Variants in ABCC3 observed in about 807,000 individuals in gnomAD.
ABCC3 encodes the protein ATP-binding cassette sub-family C member 3.
A neutral mutation model predicts 165.3 loss-of-function variants in ABCC3; 121 were observed. The observed-to-expected ratio is 0.73, with a 90% CI of 0.63 to 0.85. The LOEUF is 0.85. Ranked by LOEUF, ABCC3 falls within the 40% of genes least tolerant of loss-of-function variation. The probability of loss-of-function intolerance (pLI) is 0.00; values close to 1 mark genes in which losing one functional copy is unlikely to be tolerated. For synonymous variants in ABCC3, 733 were observed against 810.1 expected (o/e 0.90, Z 1.62); for missense variants, 1,869 against 1,964.1 (o/e 0.95, Z 0.92).
In ABCC3 at chr17:50,691,454, CTGAG is replaced by C; in HGVS notation, c.*257_*260del. The C allele has an allele frequency of 2.4e-6, 1 of 413,856 alleles. No individual in the cohort carries two copies. Among genetic ancestry groups the C allele is most frequent in the Non-Finnish European group, 4.5e-6 (1 of 222,238 alleles). The allele number at this position is 413,856 out of a possible 1,614,324, so 25.6% of individuals were successfully genotyped here. A position where few individuals can be genotyped will look rare whatever the true frequency, so the allele number is the denominator to read the frequency against. On this transcript the variant is annotated 3_prime_UTR_variant, in exon 31 of 31. Transcript: ENST00000285238. ...TAGTCCCCGGTCTCCCGATTCCCAA[CTGAG>C]TGTTATTTGCACACTGCACTGTTTT...
intron 19 of ABCC3, among the ~76,000 whole-genome samples, chr17:50,673,930 TTCTTTC>T (rs1567835443): frequency 6.4e-5 from 1 of 15,720 alleles, no homozygotes; most frequent in African/African-American, 3.1e-4. Flanking sequence ...CTTTCTTTCT[TTCTTTC>T]TTTCTTTCTT....
intron 1 of ABCC3, among the ~76,000 whole-genome samples, chr17:50,642,066 G>A (rs989973322): frequency 2.0e-5 from 3 of 152,148 alleles, no homozygotes; most frequent in African/African-American, 7.2e-5. Context: ...AGGTAGAATG[G>A]ACAGGGTTTG....
chr17:50,665,780 AT>A (rs564591034), intron 11 of ABCC3, among the ~76,000 whole-genome samples: 113 of 142,500 alleles, frequency 7.9e-4, no homozygotes, highest in East Asian at 4.7e-3. Context: ...TTATTTTTGT[AT>A]TTTTTTTTTT....
rs1968114708 is a variant in ABCC3, at chr17:50,691,077, C to G, written c.4476-15C>G. ...GGCTGATGGAAACCTGACCACTTCT[C>G]TCTTTTTTGACTAGGGTCCTGGTCC... On this transcript the variant is annotated splice_polypyrimidine_tract_variant and intron_variant, in intron 30 of 30. Coordinates refer to ENST00000285238, the MANE Select transcript of ABCC3 (RefSeq NM_003786.4). The G allele has an allele frequency of 3.7e-6, 6 of 1,605,918 alleles. No homozygotes were observed. The highest frequency in any genetic ancestry group is 2.2e-5 in the East Asian group (1 of 44,852).
rs1372330448 is a variant in ABCC3, at chr17:50,675,442, C to A, written c.2680C>A (p.Pro894Thr). Residue 894 changes from proline (P) to threonine (T), a missense_variant, in exon 20 of 31, where the codon CCA becomes ACA. Coordinates refer to ENST00000285238, the MANE Select transcript of ABCC3 (RefSeq NM_003786.4). Reference protein sequence around the residue: ...SNHTDLTDNDPVTYVVQKQFM... With the variant: ...SNHTDLTDNDTVTYVVQKQFM... ...CCACACGGATCTGACAGACAATGAT[C>A]CAGTCACCTATGTGGTCCAGAAGCA... The A allele has an allele frequency of 3.7e-6, 6 of 1,614,028 alleles. No homozygotes were observed. In the East Asian group the frequency reaches 1.3e-4, roughly 36 times the overall value.
At chr17:50,665,045 C>A (rs1967489552) in intron 10 of ABCC3, 108 bp from the exon 11 acceptor site, 3 of 894,020 alleles carry the variant, frequency 3.4e-6, no homozygotes, top group Non-Finnish European at 5.5e-6. Flanking sequence ...TTGCTTCCTG[C>A]CCATCTACAC....
intron 1 of ABCC3, among the ~76,000 whole-genome samples, chr17:50,637,274 G>C (rs2054189531): frequency 6.6e-6 from 1 of 152,182 alleles, no homozygotes. Flanking sequence ...AGCGTGGAGA[G>C]AGAAAGGAGG....
chr17:50,646,780 A>G (rs1447217104), intron 1 of ABCC3, among the ~76,000 whole-genome samples: 3 of 152,354 alleles, frequency 2.0e-5, no homozygotes, highest in Non-Finnish European at 4.4e-5. Flanking sequence ...GGTAAGAGAT[A>G]TTATCATCCC....
At position 50,664,125 on chromosome 17, in the gene ABCC3, C is replaced by T; in HGVS notation, c.1338+14C>T. 2 of 1,613,480 alleles carry T rather than the reference C, an allele frequency of 1.2e-6. No individual in the cohort carries two copies. The highest frequency in any genetic ancestry group is 1.7e-6 in the Non-Finnish European group (2 of 1,179,494). ...TTCCTCTGGCAGGTGACTCTCCAAC[C>T]CTGACCTCTGCCTCCTTCCTCTGAC... On this transcript the variant is annotated intron_variant, in intron 10 of 30. Coordinates refer to ENST00000285238, the MANE Select transcript of ABCC3 (RefSeq NM_003786.4).
intron 1 of ABCC3, among the ~76,000 whole-genome samples, chr17:50,639,579 C>G (rs749083456): frequency 6.6e-6 from 1 of 152,106 alleles, no homozygotes; most frequent in Non-Finnish European, 1.5e-5. Flanking sequence ...TCCATTGGGG[C>G]AGGATCCCTG....
At chr17:50,653,214 T>C (rs955801981) in intron 1 of ABCC3, among the ~76,000 whole-genome samples, 2 of 150,726 alleles carry the variant, frequency 1.3e-5, no homozygotes, top group East Asian at 2.0e-4. Context: ...GGCATGGTGG[T>C]GGGCGCCTGT....
chr17:50,655,800 C>A (rs1967226612), intron 1 of ABCC3, 32 bp from the exon 2 acceptor site: 2 of 1,604,242 alleles, frequency 1.2e-6, no homozygotes, highest in Non-Finnish European at 1.7e-6. Context: ...TGTGGGGCTG[C>A]CACAGCACTA....
chr17:50,672,281 G>T (rs532956964), intron 17 of ABCC3, among the ~76,000 whole-genome samples: 2 of 152,174 alleles, frequency 1.3e-5, no homozygotes, highest in African/African-American at 4.8e-5. Flanking sequence ...TTGTCTTTTC[G>T]TGACGGGCTT....
chr17:50,648,964 T>A (rs1285968688), intron 1 of ABCC3, among the ~76,000 whole-genome samples: 1 of 151,606 alleles, frequency 6.6e-6, no homozygotes, highest in Non-Finnish European at 1.5e-5. Flanking sequence ...ATACAAAAAT[T>A]AGCTGGGCAT....
intron 19 of ABCC3, among the ~76,000 whole-genome samples, chr17:50,673,983 T>TTCCTTCCTTC (rs1967728136): frequency 2.0e-4 from 1 of 4,954 alleles, no homozygotes; most frequent in Non-Finnish European, 3.7e-4. Context: ...TTTCTTTCTC[T>TTCCTTCCTTC]CTCTCTCTCT....
intron 11 of ABCC3, among the ~76,000 whole-genome samples, chr17:50,666,290 G>A (rs1163676036): frequency 1.3e-5 from 2 of 152,024 alleles, no homozygotes; most frequent in Non-Finnish European, 2.9e-5. Context: ...AGACCAACAT[G>A]GAGAAACCCC....
At chr17:50,656,587 G>A in intron 2 of ABCC3, 115 bp from the exon 3 acceptor site, 3 of 1,407,532 alleles carry the variant, frequency 2.1e-6, no homozygotes, top group Non-Finnish European at 2.9e-6. Context: ...AGACCTCAGT[G>A]CCAGTCCCAG....
intron 1 of ABCC3, among the ~76,000 whole-genome samples, chr17:50,655,512 G>A (rs1346574273): frequency 2.6e-5 from 4 of 151,832 alleles, no homozygotes; most frequent in African/African-American, 9.7e-5. Context: ...AAGGTAACAT[G>A]GGAGCAGTTT....
chr17:50,650,592 C>A (rs752244876), intron 1 of ABCC3, among the ~76,000 whole-genome samples: 1 of 152,178 alleles, frequency 6.6e-6, no homozygotes, highest in Non-Finnish European at 1.5e-5. Flanking sequence ...CACTTTAGGA[C>A]AAAATTTATT....
Sources: allele counts gnomAD v4.1 joint callset (sites outside exome capture counted in the v4.1 genomes callset), GRCh38; gene constraint gnomAD v4.1.1; transcripts MANE v1.5; gene names NCBI Gene and HGNC (gene_info 2026-07-23, HGNC 2026-07-21).